PTPRS: variants seen among roughly 807,000 people sequenced by gnomAD.
PTPRS encodes protein tyrosine phosphatase receptor type S.
PTPRS carries 63 observed loss-of-function variants against 215.3 expected under a neutral mutation model. The ratio of observed to expected loss-of-function variants is 0.29; its 90% CI spans 0.24 to 0.36. The LOEUF (loss-of-function observed/expected upper bound fraction) is 0.36, where lower values mean the gene tolerates loss of function less well. PTPRS is among the 10% of genes least tolerant of loss of function. The pLI, the probability that PTPRS is intolerant of heterozygous loss-of-function variation, is 1.00. For missense variants in PTPRS, 2,258 were observed against 2,825.8 expected, an observed-to-expected ratio of 0.80 and a Z score of 4.56; for synonymous variants, 1,404 against 1,191.4, an observed-to-expected ratio of 1.18 and a Z score of -3.68.
chr19:5,261,570 A>G (rs974552929), intron 6 of PTPRS, among the ~76,000 whole-genome samples: 2 of 152,216 alleles, frequency 1.3e-5, no homozygotes, highest in African/African-American at 2.4e-5. Flanking sequence ...CTGATGGCCG[A>G]TAACTTGATA....
intron 2 of PTPRS, among the ~76,000 whole-genome samples, chr19:5,284,574 G>A (rs980623845): frequency 6.6e-6 from 1 of 151,978 alleles, no homozygotes; most frequent in Non-Finnish European, 1.5e-5. Context: ...ATAGTTGTAC[G>A]ACGGGGATGC....
intron 1 of PTPRS, among the ~76,000 whole-genome samples, chr19:5,292,486 G>C (rs1021285324): frequency 6.6e-6 from 1 of 152,182 alleles, no homozygotes; most frequent in Non-Finnish European, 1.5e-5. Context: ...GAACGGCTTA[G>C]AGCCCAGGGA....
At chr19:5,273,080 C>T (rs112892699) in intron 4 of PTPRS, 52 of 297,590 alleles carry the variant, frequency 1.7e-4, no homozygotes, top group African/African-American at 1.0e-3. Flanking sequence ...TCAATGAGCC[C>T]CTGGATCCAG....
rs2041240332 is a variant in PTPRS, at chr19:5,214,548, G to T, written c.4494+13C>A. ...CTGGCAGGGGCTTGAGGGCCGTGGGGTCCAAGGCTCACCCGTGACTTCTCC... is the reference window on the plus strand; with the variant it reads ...CTGGCAGGGGCTTGAGGGCCGTGGGTTCCAAGGCTCACCCGTGACTTCTCC... On this transcript the variant is annotated intron_variant, in intron 29 of 37. Transcript: ENST00000262963. 6.2e-7 allele frequency: 1 copy of T among 1,612,048 alleles called. No homozygotes were observed. The highest frequency in any genetic ancestry group is 1.3e-5 in the African/African-American group (1 of 75,054).
At chr19:5,224,854 C>G (rs925881813) in intron 17 of PTPRS, among the ~76,000 whole-genome samples, 3 of 152,032 alleles carry the variant, frequency 2.0e-5, no homozygotes, top group Non-Finnish European at 2.9e-5. Context: ...GGGCTGTGTC[C>G]AGCTGGGAGG....
rs142173690 is a variant in PTPRS at position 5,337,282 on chromosome 19, T to C, written c.-95+3382A>G. ...TCCCGCTCGCCCCCATCCCGAACTCTCTCCACGCCCCGCTTCTTCCCCCAC... is the reference window on the plus strand; with the variant it reads ...TCCCGCTCGCCCCCATCCCGAACTCCCTCCACGCCCCGCTTCTTCCCCCAC... On this transcript the variant is annotated intron_variant, in intron 1 of 37. Coordinates refer to ENST00000262963, the MANE Select transcript of PTPRS (RefSeq NM_002850.4). Among the ~76,000 whole-genome samples the C allele has an allele frequency of 1.4e-4, 22 of 152,250 alleles. No homozygotes were observed. The East Asian group carries it at 4.3e-3, about 29-fold the overall frequency.
rs765460386 is a variant in PTPRS, at chr19:5,244,190, G to C, written c.1281C>G (p.Ala427=). ...VVTRTGEQAP[A]SAPRNVQARM... Reference sequence around the variant, plus strand: ...GGGCTTGCACGTTCCGCGGCGCGCTGGCCGGGGCCTGCTCGCCTGTGCGGG... The same window carrying C: ...GGGCTTGCACGTTCCGCGGCGCGCTCGCCGGGGCCTGCTCGCCTGTGCGGG... Residue 427 remains alanine (A), a synonymous_variant, in exon 11 of 38, where the codon GCC becomes GCG. Transcript: ENST00000262963. The surrounding 1 kb of genome is among the most constrained non-coding windows in gnomAD (Gnocchi z 7.2). The C allele has an allele frequency of 6.2e-7, 1 of 1,602,270 alleles. No homozygotes were observed. Among genetic ancestry groups the C allele is most frequent in the South Asian group, 1.1e-5 (1 of 89,436 alleles).
intron 1 of PTPRS, among the ~76,000 whole-genome samples, chr19:5,317,731 G>A (rs533369571): frequency 1.3e-5 from 2 of 152,234 alleles, no homozygotes; most frequent in African/African-American, 2.4e-5. Flanking sequence ...AGGGTGGGGT[G>A]TGTGGCCCAC....
rs532052774 is a variant in PTPRS, at chr19:5,285,482, T to G, written c.91+568A>C. Among the ~76,000 whole-genome samples, 24 of 152,314 alleles carry G rather than the reference T, an allele frequency of 1.6e-4. 3 individuals are homozygous for G. The highest frequency in any genetic ancestry group is 6.5e-4 in the Admixed American group (10 of 15,300). ...CTGTCATCCTGACGAGGAATGGCTTTTCTATCGGCGAACTCCTATACACCC... is the reference window on the plus strand; with the variant it reads ...CTGTCATCCTGACGAGGAATGGCTTGTCTATCGGCGAACTCCTATACACCC... On this transcript the variant is annotated intron_variant, in intron 2 of 37. Transcript: ENST00000262963.
At chr19:5,221,922 C>G (rs1055355187) in intron 19 of PTPRS, among the ~76,000 whole-genome samples, 10 of 152,190 alleles carry the variant, frequency 6.6e-5, no homozygotes, top group African/African-American at 2.4e-4. Context: ...GACTGAACCT[C>G]AGTTCCAGCT....
intron 1 of PTPRS, among the ~76,000 whole-genome samples, chr19:5,300,901 G>A (rs2049283911): frequency 6.6e-6 from 1 of 152,120 alleles, no homozygotes; most frequent in African/African-American, 2.4e-5. Flanking sequence ...GAGACTAGAG[G>A]TGCTGGCCAA....
rs1041378504 is a variant in PTPRS, at chr19:5,293,232, G to C, written c.-94-6998C>G. 6.6e-6 allele frequency: 1 copy of C among 151,690 alleles called. No homozygotes were observed. The highest frequency in any genetic ancestry group is 1.5e-5 in the Non-Finnish European group (1 of 67,806). The allele number at this position is 151,690 out of a possible 1,614,324, so 9.4% of individuals were successfully genotyped here. A position where few individuals can be genotyped will look rare whatever the true frequency, so the allele number is the denominator to read the frequency against. ...GCGTCCCTCGGTCCGCCCGGAGCGC[G>C]GCGCGCAGCGAAGACTCGGGAGAGG... On this transcript the variant is annotated intron_variant, in intron 1 of 37. Transcript: ENST00000262963. This position sits in a 1 kb window ranked among gnomAD's most constrained non-coding sequence, Gnocchi z 8.4.
intron 9 of PTPRS, among the ~76,000 whole-genome samples, chr19:5,248,207 T>G (rs1184415719): frequency 2.0e-5 from 3 of 151,486 alleles, no homozygotes; most frequent in African/African-American, 7.3e-5. Flanking sequence ...AATGGGGAAA[T>G]GAGCGTGGGG....
chr19:5,284,601 C>A (rs573814054), intron 2 of PTPRS, among the ~76,000 whole-genome samples: 114 of 152,040 alleles, frequency 7.5e-4, no homozygotes, highest in African/African-American at 2.7e-3. Flanking sequence ...TCGCATTCAC[C>A]TCATCAGGGT....
intron 22 of PTPRS, 99 bp downstream of exon 22, chr19:5,219,840 G>A: frequency 7.5e-7 from 1 of 1,333,960 alleles, no homozygotes; most frequent in Admixed American, 2.0e-5. Context: ...ACCACAGGGA[G>A]CTGCCTGTGA....
intron 1 of PTPRS, among the ~76,000 whole-genome samples, chr19:5,290,829 G>A (rs561801335): frequency 5.1e-4 from 78 of 151,902 alleles, no homozygotes; most frequent in African/African-American, 1.6e-3. Context: ...CAGCTCTCCC[G>A]TGCCACCGCC....
chr19:5,287,571 C>T lies in PTPRS; in HGVS notation c.-94-1337G>A, dbSNP rs187463094. Among the ~76,000 whole-genome samples, 593 of 152,266 alleles carry T rather than the reference C, an allele frequency of 3.9e-3. 3 individuals are homozygous for T. The highest frequency in any genetic ancestry group is 6.9e-3 in the Non-Finnish European group (466 of 68,002). The stretch of plus-strand genomic sequence containing the variant: ...CTAGTCAGGCTGGCACCCATGCCAG[C>T]CCATGCCCTGGGCGGGTCCAGGCCG... On this transcript the variant is annotated intron_variant, in intron 1 of 37. Coordinates refer to ENST00000262963, the MANE Select transcript of PTPRS (RefSeq NM_002850.4). This position sits in a 1 kb window ranked among gnomAD's most constrained non-coding sequence, Gnocchi z 4.8.
intron 1 of PTPRS, among the ~76,000 whole-genome samples, chr19:5,290,482 A>C (rs2048721831): frequency 6.6e-6 from 1 of 152,122 alleles, no homozygotes; most frequent in African/African-American, 2.4e-5. Context: ...GGGTCACGCG[A>C]TCTGGGAGCC....
rs567982640 is a variant in PTPRS, at chr19:5,278,101, C to A, written c.92-3757G>T. The A allele has an allele frequency of 2.9e-5, 22 of 770,774 alleles. No homozygotes were observed. In the African/African-American group the frequency reaches 3.7e-4, roughly 13 times the overall value. 47.7% of individuals were successfully genotyped at this position (770,774 alleles called of 1,614,324 possible). ...GCCCAGCTGCCGTCAGAGTCACCAA[C>A]CCCAATGCCAGGCTGCGCAGTGAAG... On this transcript the variant is annotated intron_variant, in intron 2 of 37. Transcript: ENST00000262963.
Sources: gnomAD v4.1 joint callset for allele counts (sites outside exome capture counted in the v4.1 genomes callset) on GRCh38, gnomAD v4.1.1 for gene constraint, Gnocchi (gnomAD v3.1) non-coding constraint, MANE v1.5 for transcripts, NCBI Gene and HGNC (gene_info 2026-07-23, HGNC 2026-07-21) for gene names.